The following KALRN variants were observed in gnomAD, a reference collection of about 807,000 sequenced individuals.
KALRN encodes the protein kalirin.
In KALRN, 70 loss-of-function variants were observed where a neutral mutation model predicts 353.7. The ratio of observed to expected loss-of-function variants is 0.20; its 90% confidence interval spans 0.16 to 0.24. KALRN has a LOEUF of 0.24. KALRN is among the 10% of genes least tolerant of loss of function. KALRN has a pLI of 1.00. For missense variants in KALRN, 2,791 were observed against 3,756.7 expected (o/e 0.74, Z 6.72); for synonymous variants, 1,391 against 1,434.8 (o/e 0.97, Z 0.69).
chr3:124,465,723 T>G (rs2060269282), intron 25 of KALRN, among the ~76,000 whole-genome samples: 2 of 152,192 alleles, frequency 1.3e-5, no homozygotes, highest in Non-Finnish European at 1.5e-5. Context: ...ATTCCAAAGT[T>G]GCAATTAAGC....
intron 13 of KALRN, chr3:124,410,339 C>G (rs2092039838): frequency 5.9e-6 from 3 of 505,524 alleles, no homozygotes; most frequent in Non-Finnish European, 1.2e-5. Context: ...AAGGCAGGCT[C>G]TTCCTTTCAT....
intron 10 of KALRN, among the ~76,000 whole-genome samples, chr3:124,366,508 C>A (rs987845704): frequency 6.7e-6 from 1 of 148,266 alleles, no homozygotes; most frequent in African/African-American, 2.5e-5. Context: ...TTTCAGAGAG[C>A]ACAGGGTTGG....
chr3:124,470,042 T>G (rs74776693), intron 25 of KALRN, among the ~76,000 whole-genome samples: 84 of 152,300 alleles, frequency 5.5e-4, no homozygotes, highest in East Asian at 4.6e-3. Context: ...TTCCCAGGAT[T>G]GTGTACAAAG....
intron 34 of KALRN, among the ~76,000 whole-genome samples, chr3:124,599,919 A>G (rs1167652074): frequency 6.6e-6 from 1 of 152,184 alleles, no homozygotes; most frequent in African/African-American, 2.4e-5. Flanking sequence ...CAGAGTGTCT[A>G]TGGGTTCCAC....
At chr3:124,286,082 C>CCTT (rs1553893895) in intron 5 of KALRN, among the ~76,000 whole-genome samples, 1 of 102,156 alleles carries the variant, frequency 9.8e-6, no homozygotes, top group Non-Finnish European at 1.9e-5. Flanking sequence ...TTCTTTCCTT[C>CCTT]CTTTCTTTCT....
At chr3:124,433,978 A>G (rs1277927754) in intron 16 of KALRN, among the ~76,000 whole-genome samples, 4 of 152,234 alleles carry the variant, frequency 2.6e-5, no homozygotes, top group Non-Finnish European at 5.9e-5. Flanking sequence ...AAGGAAATTT[A>G]TGAACCAATT....
chr3:124,252,431 T>C (rs184990001), intron 3 of KALRN, among the ~76,000 whole-genome samples: 9 of 152,350 alleles, frequency 5.9e-5, no homozygotes, highest in African/African-American at 1.9e-4. Context: ...TCAAGTGTTC[T>C]ACGCATCTAT....
At chr3:124,166,740 A>G (rs761762324) in intron 1 of KALRN, among the ~76,000 whole-genome samples, 1 of 152,038 alleles carries the variant, frequency 6.6e-6, no homozygotes, top group Non-Finnish European at 1.5e-5. Context: ...TGTTTTTTTG[A>G]ACATCTAAAT....
intron 48 of KALRN, among the ~76,000 whole-genome samples, chr3:124,673,170 G>A (rs905197133): frequency 6.6e-6 from 1 of 151,940 alleles, no homozygotes; most frequent in Non-Finnish European, 1.5e-5. Flanking sequence ...TGATGGCTTG[G>A]GCTTAAGAGC....
At chr3:124,674,702 A>G in intron 49 of KALRN, 88 bp downstream of exon 49, 2 of 1,322,340 alleles carry the variant, frequency 1.5e-6, no homozygotes, top group Non-Finnish European at 2.0e-6. Flanking sequence ...ATGCAAACAC[A>G]TGGTAGGGAA....
At chr3:124,364,991 A>G (rs753664174) in intron 10 of KALRN, among the ~76,000 whole-genome samples, 19 of 152,170 alleles carry the variant, frequency 1.2e-4, no homozygotes, top group Non-Finnish European at 1.8e-4. Flanking sequence ...TCACTTCCTG[A>G]AAATTTCTCC....
In KALRN at chr3:124,632,441, G is replaced by A. The variant is rs773788884; in HGVS notation, c.5204G>A (p.Ser1735Asn). The part of the protein sequence containing the change: ...LVKDAYSHSS[S>N]ENGGKSESVA... ...TCAGATGCATACTCTCATTCCTCAA[G>A]CGAGAATGGAGGCAAGTCCGAGTCC... The change falls in exon 35 of 60, where the codon AGC becomes AAC. Residue 1735 changes from serine to asparagine, a missense_variant. Ser to Asn is a conservative substitution (Grantham distance 46). Coordinates refer to ENST00000682506, the MANE Select transcript of KALRN (RefSeq NM_001388419.1). 1.1e-5 allele frequency: 18 copies of A among 1,613,874 alleles called. No individual in the cohort carries two copies. Among genetic ancestry groups the A allele is most frequent in the Non-Finnish European group, 1.0e-5 (12 of 1,179,886 alleles).
chr3:124,435,919 T>G (rs1486721605), intron 17 of KALRN, among the ~76,000 whole-genome samples: 1 of 152,218 alleles, frequency 6.6e-6, no homozygotes, highest in Non-Finnish European at 1.5e-5. Flanking sequence ...AAAACGATTT[T>G]GAAAAGGAAG....
intron 28 of KALRN, among the ~76,000 whole-genome samples, chr3:124,487,226 G>A (rs2062662863): frequency 6.6e-6 from 1 of 152,128 alleles, no homozygotes; most frequent in Non-Finnish European, 1.5e-5. Flanking sequence ...TCTGGTTTGG[G>A]CAAAAATCAT....
intron 1 of KALRN, among the ~76,000 whole-genome samples, chr3:124,117,381 T>C (rs1260633819): frequency 6.6e-6 from 1 of 152,112 alleles, no homozygotes; most frequent in Non-Finnish European, 1.5e-5. Context: ...ATTTTATATT[T>C]AAATAACTAA....
chr3:124,704,740 G>A (rs540016110), intron 57 of KALRN, among the ~76,000 whole-genome samples: 2 of 152,014 alleles, frequency 1.3e-5, no homozygotes, highest in South Asian at 4.2e-4. Flanking sequence ...TGTAGATACG[G>A]TATTTCACCA....
rs370228268 is a variant in KALRN, at chr3:124,171,301, G to C, written c.74-56689G>C. The stretch of plus-strand genomic sequence containing the variant: ...GGTCTTACCTGGAGTCACTCATGTA[G>C]CTGCAGTCATTTGGCAGCTTGACTG... On this transcript the variant is annotated intron_variant, in intron 1 of 59. Coordinates refer to ENST00000682506, the MANE Select transcript of KALRN (RefSeq NM_001388419.1). 1.1e-4 allele frequency among the ~76,000 whole-genome samples: 16 copies of C among 152,326 alleles called. No individual in the cohort carries two copies. In the East Asian group the frequency reaches 1.9e-3, roughly 18 times the overall value.
chr3:124,425,968 T>C (rs546707618), intron 15 of KALRN, among the ~76,000 whole-genome samples: 2 of 152,196 alleles, frequency 1.3e-5, no homozygotes, highest in Non-Finnish European at 2.9e-5. Flanking sequence ...TCCTTATTTC[T>C]ACCATGACAA....
chr3:124,035,400 A>G (rs2039325397), intron 1 of KALRN, among the ~76,000 whole-genome samples: 1 of 152,290 alleles, frequency 6.6e-6, no homozygotes, highest in East Asian at 1.9e-4. Context: ...CAAATTGACC[A>G]GTCAATCAAA....
Sources: allele counts gnomAD v4.1 joint callset (sites outside exome capture counted in the v4.1 genomes callset), GRCh38; gene constraint gnomAD v4.1.1; transcripts MANE v1.5; gene names NCBI Gene and HGNC (gene_info 2026-07-23, HGNC 2026-07-21).